ILDR1: variants seen among roughly 807,000 people sequenced by gnomAD.
ILDR1 encodes the protein immunoglobulin-like domain-containing receptor 1.
A neutral mutation model predicts 62.4 loss-of-function variants in ILDR1; 56 were observed. The observed-to-expected ratio is 0.90, with a 90% confidence interval of 0.72 to 1.12. The LOEUF is 1.12. Among genes scored for constraint, ILDR1 ranks in the 50% most tolerant of loss-of-function variants. The pLI, the probability that ILDR1 is intolerant of heterozygous loss-of-function variation, is 0.00. For missense variants in ILDR1, 736 were observed against 710.6 expected, an observed-to-expected ratio of 1.04 and a Z score of -0.41; for synonymous variants, 284 against 277.8, an observed-to-expected ratio of 1.02 and a Z score of -0.22.
intron 1 of ILDR1, among the ~76,000 whole-genome samples, chr3:122,007,737 C>T (rs964485423): frequency 1.3e-5 from 2 of 152,172 alleles, no homozygotes; most frequent in Admixed American, 6.5e-5. Context: ...TCCACATCAC[C>T]TGCCACTGCT....
At position 122,022,045 on chromosome 3, in the gene ILDR1, C is replaced by G; in HGVS notation, c.33G>C (p.Leu11=). Reference sequence around the variant, plus strand: ...CTGCTGGGAGCCAGGTGCAGAGCAGCAGCCAAGGTGCGGGCAGTTTGGGCC... The same window carrying G: ...CTGCTGGGAGCCAGGTGCAGAGCAGGAGCCAAGGTGCGGGCAGTTTGGGCC... MAWPKLPAPW[L]LLCTWLPAGC... is the part of the protein sequence containing the mutation. Residue 11 remains leucine, a synonymous_variant, in exon 1 of 8, where the codon CTG becomes CTC. Coordinates refer to ENST00000344209, the MANE Select transcript of ILDR1 (RefSeq NM_001199799.2). 6.2e-7 allele frequency: 1 copy of G among 1,611,742 alleles called. No homozygotes were observed. Among genetic ancestry groups the G allele is most frequent in the South Asian group, 1.1e-5 (1 of 90,358 alleles).
At chr3:122,047,209 G>A in the ILDR1 span, among the ~76,000 whole-genome samples, 2 of 151,534 alleles carry the variant, frequency 1.3e-5, no homozygotes, top group Non-Finnish European at 2.9e-5. Context: ...CTGCTGGGGG[G>A]TGCCTCCCAG....
the ILDR1 span, among the ~76,000 whole-genome samples, chr3:122,060,708 G>A: frequency 6.6e-6 from 1 of 152,048 alleles, no homozygotes; most frequent in Non-Finnish European, 1.5e-5. Context: ...AACTAGTTTG[G>A]GAAGGATTTC....
At chr3:122,020,683 CTG>C in intron 1 of ILDR1, among the ~76,000 whole-genome samples, 1 of 152,348 alleles carries the variant, frequency 6.6e-6, no homozygotes, top group African/African-American at 2.4e-5. Flanking sequence ...GGAGAGAAGA[CTG>C]TGCAAAGCTG....
chr3:121,994,141 C>A, intron 6 of ILDR1, 41 bp downstream of exon 6: 1 of 1,532,548 alleles, frequency 6.5e-7, no homozygotes, highest in African/African-American at 1.4e-5. Flanking sequence ...CCCGCCCTTG[C>A]CCTCTGCCCT....
chr3:122,048,915 C>T, the ILDR1 span, among the ~76,000 whole-genome samples: 9 of 152,142 alleles, frequency 5.9e-5, no homozygotes, highest in African/African-American at 2.2e-4. Flanking sequence ...GGATTACAGG[C>T]ATAAGCCACC....
intron 5 of ILDR1, among the ~76,000 whole-genome samples, chr3:122,001,084 C>CT (rs941663711): frequency 7.9e-5 from 12 of 152,290 alleles, no homozygotes; most frequent in Non-Finnish European, 1.6e-4. Flanking sequence ...CTGAGAGATG[C>CT]TTTAGGCAGC....
At chr3:122,049,406 C>T in the ILDR1 span, among the ~76,000 whole-genome samples, 3 of 152,220 alleles carry the variant, frequency 2.0e-5, no homozygotes, top group East Asian at 1.9e-4. Flanking sequence ...TCTATAGTGT[C>T]GATCAAGCCC....
chr3:122,018,279 A>T (rs2071804768), intron 1 of ILDR1, among the ~76,000 whole-genome samples: 1 of 152,068 alleles, frequency 6.6e-6, no homozygotes, highest in African/African-American at 2.4e-5. Flanking sequence ...TTCTCAGCAA[A>T]CTATCACAAG....
At chr3:121,999,709 C>T (rs557689572) in intron 5 of ILDR1, among the ~76,000 whole-genome samples, 2 of 152,252 alleles carry the variant, frequency 1.3e-5, no homozygotes, top group South Asian at 4.2e-4. Context: ...CCCTCTTGGC[C>T]AAGGGGACCC....
At chr3:122,041,832 T>C in the ILDR1 span, among the ~76,000 whole-genome samples, 2 of 151,960 alleles carry the variant, frequency 1.3e-5, no homozygotes, top group African/African-American at 4.8e-5. Context: ...GAGCTTTCTA[T>C]ATATAAGATC....
At chr3:122,000,995 G>A (rs1246359160) in intron 5 of ILDR1, among the ~76,000 whole-genome samples, 2 of 152,214 alleles carry the variant, frequency 1.3e-5, no homozygotes, top group African/African-American at 4.8e-5. Context: ...ATGTCTAAAT[G>A]AGGTCAGTGC....
rs142396206 is a variant in ILDR1 at position 122,011,654 on chromosome 3, T to TTCTCTCTCTC, written c.59-4503_59-4494dup. On this transcript the variant is annotated intron_variant, in intron 1 of 7. Transcript: ENST00000344209. ...CGTCCACCCCCTGCCCTGTCTCTCT[T>TTCTCTCTCTC]TCTCTCTCTCTCTCTCTCTCTTTCA... 4.4e-5 allele frequency among the ~76,000 whole-genome samples: 3 copies of TTCTCTCTCTC among 67,630 alleles called. No individual in the cohort carries two copies. The Admixed American group carries it at 4.5e-4, about 10-fold the overall frequency. The allele number at this position is 67,630 out of a possible 152,430, so 44.4% of individuals were successfully genotyped here.
intron 1 of ILDR1, among the ~76,000 whole-genome samples, chr3:122,007,826 T>C (rs1301332358): frequency 1.3e-5 from 2 of 152,210 alleles, no homozygotes; most frequent in South Asian, 2.1e-4. Context: ...GTCTACCCCA[T>C]AGACAGGGTT....
the ILDR1 span, among the ~76,000 whole-genome samples, chr3:122,030,741 G>C: frequency 6.6e-6 from 1 of 151,540 alleles, no homozygotes; most frequent in Non-Finnish European, 1.5e-5. Context: ...CATACATCTC[G>C]GTTAAGCTCA....
At chr3:122,008,144 G>T (rs1523517) in intron 1 of ILDR1, among the ~76,000 whole-genome samples, 11 of 152,046 alleles carry the variant, frequency 7.2e-5, no homozygotes, top group Non-Finnish European at 1.5e-4. Context: ...TACAGGCAGT[G>T]AGCATAAGCA....
At position 122,007,112 on chromosome 3, in the gene ILDR1, G is replaced by A. The variant is rs2071625543; in HGVS notation, c.108C>T (p.Thr36=). Residue 36 remains threonine, a synonymous_variant, in exon 2 of 8, where the codon ACC becomes ACT. Transcript: ENST00000344209. Reference sequence around the variant, plus strand: ...ATTTGAGGATGATAGAGGCAAACAGGGTGACATAGCGTTCTGTGTGCTGGA... The same window carrying A: ...ATTTGAGGATGATAGAGGCAAACAGAGTGACATAGCGTTCTGTGTGCTGGA... The part of the protein sequence containing the change: ...VTVQHTERYV[T]LFASIILKCD... 1 of 1,614,142 alleles carries A rather than the reference G, an allele frequency of 6.2e-7. No homozygotes were observed.
At chr3:122,024,348 T>C (rs1032493980), upstream of ILDR1, among the ~76,000 whole-genome samples, 3 of 152,216 alleles carry the variant, frequency 2.0e-5, no homozygotes, top group Non-Finnish European at 4.4e-5. Context: ...AGAACTTATT[T>C]TGGGAAATAC....
upstream of ILDR1, among the ~76,000 whole-genome samples, chr3:122,024,227 G>A (rs909066384): frequency 6.6e-6 from 1 of 152,154 alleles, no homozygotes; most frequent in African/African-American, 2.4e-5. Flanking sequence ...AAACCTTAGA[G>A]TGTTAATGTA....
Sources: allele counts gnomAD v4.1 joint callset (sites outside exome capture counted in the v4.1 genomes callset), GRCh38; gene constraint gnomAD v4.1.1; transcripts MANE v1.5; gene names NCBI Gene and HGNC (gene_info 2026-07-23, HGNC 2026-07-21).